Variants in SKAP2 observed in about 807,000 individuals in gnomAD.
SKAP2 encodes src kinase-associated phosphoprotein 2.
A neutral mutation model predicts 54.9 loss-of-function variants in SKAP2; 28 were observed. The ratio of observed to expected loss-of-function variants is 0.51; its 90% confidence interval spans 0.38 to 0.70. SKAP2 has a LOEUF of 0.70. Ranked by LOEUF, SKAP2 falls within the 30% of genes least tolerant of loss-of-function variation. The probability of loss-of-function intolerance (pLI) is 0.00; values close to 1 mark genes in which losing one functional copy is unlikely to be tolerated. For missense variants in SKAP2, 356 were observed against 424.1 expected (o/e 0.84, Z 1.41); for synonymous variants, 137 against 134.3 (o/e 1.02, Z -0.14).
the SKAP2 span, among the ~76,000 whole-genome samples, chr7:26,657,355 G>A: frequency 2.4e-3 from 358 of 152,240 alleles, 2 homozygotes; most frequent in African/African-American, 8.4e-3. Flanking sequence ...GCACAAGTTG[G>A]AACTCCAGTG....
chr7:26,681,666 T>A (rs1786502778), intron 11 of SKAP2, among the ~76,000 whole-genome samples: 1 of 152,190 alleles, frequency 6.6e-6, no homozygotes, highest in Non-Finnish European at 1.5e-5. Flanking sequence ...ATGAGTCCAT[T>A]ACTAAAAGAA....
At chr7:26,746,952 G>A (rs1172747967) in intron 4 of SKAP2, among the ~76,000 whole-genome samples, 4 of 152,080 alleles carry the variant, frequency 2.6e-5, no homozygotes, top group Non-Finnish European at 5.9e-5. Context: ...CCTGGAATAT[G>A]TATGAGAGAA....
intron 9 of SKAP2, among the ~76,000 whole-genome samples, chr7:26,718,973 G>A (rs1159032749): frequency 6.6e-6 from 1 of 152,096 alleles, no homozygotes; most frequent in African/African-American, 2.4e-5. Context: ...GAAGCTGGGA[G>A]TTCAAAACCA....
At chr7:26,806,088 T>G (rs1784018996) in intron 4 of SKAP2, among the ~76,000 whole-genome samples, 1 of 152,226 alleles carries the variant, frequency 6.6e-6, no homozygotes, top group East Asian at 1.9e-4. Context: ...ATAGCATATT[T>G]CATTGATAAA....
chr7:26,659,084 C>A, the SKAP2 span, among the ~76,000 whole-genome samples: 3 of 152,134 alleles, frequency 2.0e-5, no homozygotes, highest in African/African-American at 7.2e-5. Context: ...GACGTGATAT[C>A]ATAATTCTGA....
At chr7:26,819,333 C>T (rs187345512) in intron 4 of SKAP2, among the ~76,000 whole-genome samples, 1 of 152,048 alleles carries the variant, frequency 6.6e-6, no homozygotes, top group Non-Finnish European at 1.5e-5. Context: ...AACCAAACAC[C>T]GCATGTTCTC....
chr7:26,770,027 T>G (rs1367038207), intron 4 of SKAP2, among the ~76,000 whole-genome samples: 2 of 151,952 alleles, frequency 1.3e-5, no homozygotes. Flanking sequence ...GCAGGAACAT[T>G]TAAGTCTGCT....
At chr7:26,803,273 G>GA (rs1783953240) in intron 4 of SKAP2, among the ~76,000 whole-genome samples, 1 of 152,036 alleles carries the variant, frequency 6.6e-6, no homozygotes, top group African/African-American at 2.4e-5. Flanking sequence ...AAGTCTACAG[G>GA]AAAAAAGCCT....
intron 4 of SKAP2, among the ~76,000 whole-genome samples, chr7:26,828,748 C>T (rs985942988): frequency 4.7e-5 from 7 of 150,414 alleles, no homozygotes; most frequent in East Asian, 4.0e-4. Flanking sequence ...AAGTGATGGC[C>T]GGGAGCGGTG....
At chr7:26,736,065 A>AT (rs765019137) in intron 6 of SKAP2, among the ~76,000 whole-genome samples, 2 of 152,172 alleles carry the variant, frequency 1.3e-5, no homozygotes, top group Non-Finnish European at 2.9e-5. Flanking sequence ...TAAAATGGTA[A>AT]TTTTTTTAAA....
At chr7:26,844,228 GA>G in intron 3 of SKAP2, 91 bp from the exon 4 acceptor site, 1 of 759,880 alleles carries the variant, frequency 1.3e-6, no homozygotes, top group African/African-American at 1.7e-5. Flanking sequence ...TTTGTTAGAA[GA>G]GGTAAATTCT....
chr7:26,839,597 A>G (rs1303914889), intron 4 of SKAP2, among the ~76,000 whole-genome samples: 1 of 152,086 alleles, frequency 6.6e-6, no homozygotes, highest in East Asian at 1.9e-4. Flanking sequence ...GTTATTGAAA[A>G]ATTTTTTTTC....
rs540415741 is a variant in SKAP2, at chr7:26,746,820, T to A, written c.308-6856A>T. 3 of 152,242 alleles carry A rather than the reference T, an allele frequency of 2.0e-5. No individual in the cohort carries two copies. The East Asian group carries it at 5.8e-4, about 29-fold the overall frequency. The allele number at this position is 152,242 out of a possible 1,614,324, so 9.4% of individuals were successfully genotyped here. On this transcript the variant is annotated intron_variant, in intron 4 of 12. Coordinates refer to ENST00000345317, the MANE Select transcript of SKAP2 (RefSeq NM_003930.5). ...TCCAAGATTAGATTGAAGTTTCAAT[T>A]ATATCAAATGTGGAAATTGCTCACA... is the stretch of plus-strand genomic sequence containing the variant.
At chr7:26,741,664 T>C (rs1455708097) in intron 4 of SKAP2, among the ~76,000 whole-genome samples, 4 of 152,072 alleles carry the variant, frequency 2.6e-5, no homozygotes, top group Admixed American at 1.3e-4. Flanking sequence ...GATACCTCAT[T>C]TATCCTGATG....
intron 4 of SKAP2, among the ~76,000 whole-genome samples, chr7:26,825,769 CTAAA>C (rs1458017011): frequency 6.6e-6 from 1 of 152,068 alleles, no homozygotes; most frequent in Non-Finnish European, 1.5e-5. Context: ...ATTTAGCATG[CTAAA>C]TAATTATTTT....
chr7:26,810,336 A>AG (rs1385917938), intron 4 of SKAP2, among the ~76,000 whole-genome samples: 2 of 152,080 alleles, frequency 1.3e-5, no homozygotes, highest in Non-Finnish European at 2.9e-5. Context: ...AGAAAAAGAA[A>AG]GAAAAAAAAA....
At chr7:26,750,606 C>T (rs552602500) in intron 4 of SKAP2, among the ~76,000 whole-genome samples, 25 of 152,176 alleles carry the variant, frequency 1.6e-4, no homozygotes, top group African/African-American at 5.8e-4. Context: ...CCACTGCACA[C>T]GGCCAATATA....
intron 3 of SKAP2, among the ~76,000 whole-genome samples, chr7:26,846,199 A>G (rs1784917669): frequency 6.6e-6 from 1 of 152,182 alleles, no homozygotes; most frequent in African/African-American, 2.4e-5. Context: ...AAAAAGTATT[A>G]GGATACTTCA....
intron 1 of SKAP2, among the ~76,000 whole-genome samples, chr7:26,863,912 G>C (rs1029312517): frequency 2.2e-4 from 33 of 151,936 alleles, no homozygotes; most frequent in Middle Eastern, 3.4e-3. Flanking sequence ...ACAGCTCTTT[G>C]CATCTCTACA....
Sources: gnomAD v4.1 joint callset for allele counts (sites outside exome capture counted in the v4.1 genomes callset) on GRCh38, gnomAD v4.1.1 for gene constraint, MANE v1.5 for transcripts, NCBI Gene and HGNC (gene_info 2026-07-23, HGNC 2026-07-21) for gene names.